Variants in C5AR1 observed in about 807,000 individuals in gnomAD.
The protein encoded by C5AR1 is complement C5a receptor 1.
A neutral mutation model predicts 2.4 loss-of-function variants in C5AR1; 4 were observed. The ratio of observed to expected loss-of-function variants is 1.65; its 90% confidence interval spans 0.81 to 3.77. The LOEUF (loss-of-function observed/expected upper bound fraction) is 3.77, where lower values mean the gene tolerates loss of function less well. Ranked by LOEUF, C5AR1 falls within the 30% of genes most tolerant of loss-of-function variation. The pLI, the probability that C5AR1 is intolerant of heterozygous loss-of-function variation, is 0.01. For missense variants in C5AR1, 418 were observed against 462.5 expected (o/e 0.90, Z 0.88); for synonymous variants, 209 against 210.4 (o/e 0.99, Z 0.06).
At chr19:47,311,210 C>T (rs906061474) in intron 1 of C5AR1, among the ~76,000 whole-genome samples, 2 of 151,446 alleles carry the variant, frequency 1.3e-5, no homozygotes, top group African/African-American at 2.4e-5. Context: ...CCAAATGATA[C>T]TTGGTAAAAA....
At position 47,319,923 on chromosome 19, in the gene C5AR1, T is replaced by C. The variant is rs140039387; in HGVS notation, c.146T>C (p.Leu49Pro). The C allele has an allele frequency of 1.1e-5, 17 of 1,614,154 alleles. No individual in the cohort carries two copies. The African/African-American group carries it at 2.1e-4, about 20-fold the overall frequency. ...LALVIFAVVF[L>P]VGVLGNALVV... ...TTGGTCATCTTTGCAGTCGTCTTCCTGGTGGGAGTGCTGGGCAATGCCCTG... is the reference window on the plus strand; with the variant it reads ...TTGGTCATCTTTGCAGTCGTCTTCCCGGTGGGAGTGCTGGGCAATGCCCTG... Residue 49 changes from leucine (L) to proline (P), a missense_variant, in exon 2 of 2, where the codon CTG (leucine) becomes CCG (proline). Leu to Pro is a moderately conservative substitution (Grantham distance 98). Coordinates refer to ENST00000355085, the MANE Select transcript of C5AR1 (RefSeq NM_001736.4).
In C5AR1 at chr19:47,321,060, C is replaced by T. The variant is rs2059309189; in HGVS notation, c.*230C>T. ...TAGGGAGCACCCTCCCACCCCCCAC[C>T]CCCCCCACACACACCATCTTTCCAT... On this transcript the variant is annotated 3_prime_UTR_variant, in exon 2 of 2. Transcript: ENST00000355085. The T allele has an allele frequency of 1.5e-5, 3 of 202,918 alleles. No homozygotes were observed. Among genetic ancestry groups the T allele is most frequent in the Admixed American group, 1.3e-4 (1 of 7,740 alleles). 12.6% of individuals were successfully genotyped at this position (202,918 alleles called of 1,614,324 possible).
chr19:47,318,948 C>A (rs1229079895), intron 1 of C5AR1, among the ~76,000 whole-genome samples: 1 of 131,236 alleles, frequency 7.6e-6, no homozygotes, highest in African/African-American at 2.9e-5. Context: ...TGCAATGGGG[C>A]TGTTTCGGCT....
chr19:47,318,525 C>T (rs2059297314), intron 1 of C5AR1, among the ~76,000 whole-genome samples: 1 of 152,042 alleles, frequency 6.6e-6, no homozygotes, highest in South Asian at 2.1e-4. Context: ...AACCCCTGAC[C>T]TCAGGTGATC....
Position 47,320,327 on chromosome 19 carries a change from C to T in C5AR1, c.550C>T (p.Pro184Ser). The change falls in exon 2 of 2, where the codon CCA (proline) becomes TCA (serine). Residue 184 changes from proline (P) to serine (S), a missense_variant. Transcript: ENST00000355085. The surrounding 1 kb of genome is among the most constrained non-coding windows in gnomAD (Gnocchi z 4.9). ...GGTGGTCCGGGAGGAGTACTTTCCA[C>T]CAAAGGTGTTGTGTGGCGTGGACTA... is the stretch of plus-strand genomic sequence containing the variant. ...YRVVREEYFP[P>S]KVLCGVDYSH... is the part of the protein sequence containing the mutation. The T allele has an allele frequency of 6.2e-7, 1 of 1,610,238 alleles. No individual in the cohort carries two copies. The highest frequency in any genetic ancestry group is 1.3e-5 in the African/African-American group (1 of 75,052).
At chr19:47,319,712 G>A in intron 1 of C5AR1, 69 bp from the exon 2 acceptor site, 2 of 1,007,924 alleles carry the variant, frequency 2.0e-6, no homozygotes, top group South Asian at 3.0e-5. Context: ...ACATGCCTGA[G>A]CCAGGATGCC....
chr19:47,321,825 T>G lies in C5AR1; in HGVS notation c.*995T>G, dbSNP rs568678707. 1 of 152,182 alleles carries G rather than the reference T, an allele frequency of 6.6e-6. No individual in the cohort carries two copies. The highest frequency in any genetic ancestry group is 1.5e-5 in the Non-Finnish European group (1 of 68,040). 9.4% of individuals were successfully genotyped at this position (152,182 alleles called of 1,614,324 possible). ...AGTCTCATAACCAGGATATTGACAT[T>G]GATACAGTGAAGATACAGGACATTC... On this transcript the variant is annotated 3_prime_UTR_variant, in exon 2 of 2. Coordinates refer to ENST00000355085, the MANE Select transcript of C5AR1 (RefSeq NM_001736.4).
intron 1 of C5AR1, among the ~76,000 whole-genome samples, chr19:47,310,129 G>A (rs780989979): frequency 3.3e-5 from 5 of 152,170 alleles, no homozygotes; most frequent in Non-Finnish European, 7.3e-5. Flanking sequence ...GATTGTGGGA[G>A]CAACAGCAAC....
intron 1 of C5AR1, among the ~76,000 whole-genome samples, chr19:47,317,894 T>C (rs540789840): frequency 6.6e-6 from 1 of 150,470 alleles, no homozygotes; most frequent in South Asian, 2.1e-4. Context: ...GGCAGGAGAA[T>C]CGCTTGAACC....
chr19:47,319,692 G>T (rs533468998), intron 1 of C5AR1, 89 bp from the exon 2 acceptor site: 1 of 814,408 alleles, frequency 1.2e-6, no homozygotes, highest in Non-Finnish European at 2.0e-6. Context: ...AGCCACACAG[G>T]GGAAAAGCCA....
chr19:47,313,764 A>G (rs1164105662), intron 1 of C5AR1, among the ~76,000 whole-genome samples: 1 of 149,778 alleles, frequency 6.7e-6, no homozygotes, highest in African/African-American at 2.5e-5. Context: ...AAAGAGAGAG[A>G]GGGCTCTGGG....
chr19:47,311,200 CCAAATGAT>C (rs749774870), intron 1 of C5AR1, among the ~76,000 whole-genome samples: 2 of 151,624 alleles, frequency 1.3e-5, no homozygotes, highest in Non-Finnish European at 2.9e-5. Context: ...TTCCAAAGTA[CCAAATGAT>C]ACTTGGTAAA....
chr19:47,320,099 G>C lies in C5AR1; in HGVS notation c.322G>C (p.Ala108Pro). The change falls in exon 2 of 2, where the codon GCC becomes CCC. Residue 108 changes from alanine (A) to proline (P), a missense_variant. Transcript: ENST00000355085. The surrounding 1 kb of genome is among the most constrained non-coding windows in gnomAD (Gnocchi z 4.9). Reference protein sequence around the residue: ...QHHHWPFGGAACSILPSLILL... With the variant: ...QHHHWPFGGAPCSILPSLILL... ...TCACCACTGGCCCTTTGGCGGGGCC[G>C]CCTGCAGCATCCTGCCCTCCCTCAT... 1 of 1,614,100 alleles carries C rather than the reference G, an allele frequency of 6.2e-7. No homozygotes were observed. The highest frequency in any genetic ancestry group is 1.1e-5 in the South Asian group (1 of 91,092).
chr19:47,319,753 C>T, intron 1 of C5AR1, 28 bp from the exon 2 acceptor site: 2 of 1,447,492 alleles, frequency 1.4e-6, no homozygotes, highest in Non-Finnish European at 1.9e-6. Flanking sequence ...GCAGACTCAT[C>T]CTCTCTGCTC....
intron 1 of C5AR1, among the ~76,000 whole-genome samples, chr19:47,314,331 A>G (rs574994459): frequency 6.6e-6 from 1 of 152,314 alleles, no homozygotes; most frequent in South Asian, 2.1e-4. Flanking sequence ...GCACTGCCCA[A>G]TATGTGGGCC....
upstream of C5AR1, among the ~76,000 whole-genome samples, chr19:47,308,795 G>C (rs1365016079): frequency 1.4e-5 from 2 of 141,418 alleles, no homozygotes; most frequent in Non-Finnish European, 3.0e-5. Context: ...TTTTTTTTGA[G>C]ACAGAGTCTT....
At position 47,320,341 on chromosome 19, in the gene C5AR1, T is replaced by C. The variant is rs781576193; in HGVS notation, c.564T>C (p.Cys188=). The C allele has an allele frequency of 4.3e-6, 7 of 1,609,846 alleles. No homozygotes were observed. The highest frequency in any genetic ancestry group is 2.2e-5 in the South Asian group (2 of 91,086). The change falls in exon 2 of 2, where the codon TGT becomes TGC. Residue 188 remains cysteine (C), a synonymous_variant. Transcript: ENST00000355085. This position sits in a 1 kb window ranked among gnomAD's most constrained non-coding sequence, Gnocchi z 4.9. ...AGTACTTTCCACCAAAGGTGTTGTGTGGCGTGGACTACAGCCACGACAAAC... is the reference window on the plus strand; with the variant it reads ...AGTACTTTCCACCAAAGGTGTTGTGCGGCGTGGACTACAGCCACGACAAAC... ...REEYFPPKVL[C]GVDYSHDKRR... is the part of the protein sequence containing the mutation.
chr19:47,309,981 C>T, intron 1 of C5AR1, 83 bp downstream of exon 1: 4 of 1,401,096 alleles, frequency 2.9e-6, no homozygotes, highest in Non-Finnish European at 4.0e-6. Flanking sequence ...TCTCTCTCCC[C>T]AACTCTCGCC....
At chr19:47,313,127 CCA>C (rs1016055824) in intron 1 of C5AR1, among the ~76,000 whole-genome samples, 1 of 152,106 alleles carries the variant, frequency 6.6e-6, no homozygotes, top group African/African-American at 2.4e-5. Context: ...GTGCGTGCCA[CCA>C]CACACGGCTA....
Sources: gnomAD v4.1 joint callset for allele counts (sites outside exome capture counted in the v4.1 genomes callset) on GRCh38, gnomAD v4.1.1 for gene constraint, Gnocchi (gnomAD v3.1) non-coding constraint, MANE v1.5 for transcripts, NCBI Gene and HGNC (gene_info 2026-07-23, HGNC 2026-07-21) for gene names.